ETNPPL: variants seen among roughly 807,000 people sequenced by gnomAD.
The protein encoded by ETNPPL is ethanolamine-phosphate phospho-lyase, also known as alanine--glyoxylate aminotransferase 2-like 1.
Under a neutral mutation model 55.5 loss-of-function variants are expected in ETNPPL, and 30 were observed. The ratio of observed to expected loss-of-function variants is 0.54; its 90% confidence interval spans 0.40 to 0.73. The LOEUF is 0.73. Ranked by LOEUF, ETNPPL falls within the 30% of genes least tolerant of loss-of-function variation. The pLI is 0.00. For synonymous variants in ETNPPL, 202 were observed against 207.2 expected (o/e 0.98, Z 0.21); for missense variants, 528 against 607.9 (o/e 0.87, Z 1.38).
intron 1 of ETNPPL, among the ~76,000 whole-genome samples, chr4:108,761,777 G>T (rs1729518032): frequency 6.6e-6 from 1 of 152,174 alleles, no homozygotes; most frequent in Admixed American, 6.5e-5. Context: ...CCACTTAGCG[G>T]CTGAGAGAGA....
intron 6 of ETNPPL, 125 bp downstream of exon 6, chr4:108,752,770 C>A: frequency 1.5e-6 from 1 of 646,574 alleles, no homozygotes; most frequent in Non-Finnish European, 2.7e-6. Flanking sequence ...CAAGTGAAAA[C>A]GTAACTAGAG....
In ETNPPL at chr4:108,747,138, ATATATATATAATATATATATATATAT is replaced by A. The variant is rs1560649970; in HGVS notation, c.1083-313_1083-288del. On this transcript the variant is annotated intron_variant, in intron 9 of 12. Transcript: ENST00000296486. The stretch of plus-strand genomic sequence containing the variant: ...AAATGTTAACATTATATATATATAT[ATATATATATAATATATATATATATAT>A]TATATATATATATATAATATATATA... 4.6e-4 allele frequency among the ~76,000 whole-genome samples: 13 copies of A among 28,482 alleles called. 2 individuals carry two copies. The highest frequency in any genetic ancestry group is 1.5e-3 in the African/African-American group (8 of 5,376). 18.7% of individuals were successfully genotyped at this position (28,482 alleles called of 152,430 possible).
At chr4:108,747,804 CT>C (rs1728679905) in intron 9 of ETNPPL, 200 bp downstream of exon 9, 2 of 486,820 alleles carry the variant, frequency 4.1e-6, no homozygotes, top group East Asian at 7.7e-5. Flanking sequence ...TCTCGGCTCA[CT>C]GCAACCTCTG....
rs755722551 is a variant in ETNPPL, at chr4:108,749,371, T to C, written c.794A>G (p.Tyr265Cys). The change falls in exon 8 of 13, where the codon TAT becomes TGT. Residue 265 changes from tyrosine to cysteine, a missense_variant. Physicochemically the swap from Tyr to Cys is radical, Grantham distance 194. Transcript: ENST00000296486. Reference protein sequence around the residue: ...VGKHFWSFQMYGEDFVPDIVT... With the variant: ...VGKHFWSFQMCGEDFVPDIVT... ...GATGTCTGGAACAAAGTCTTCACCA[T>C]ACATCTGGAAGCTCCAGAAATGTTT... 42 of 1,614,082 alleles carry C rather than the reference T, an allele frequency of 2.6e-5. No homozygotes were observed. Among genetic ancestry groups the C allele is most frequent in the Non-Finnish European group, 3.6e-5 (42 of 1,179,960 alleles).
intron 6 of ETNPPL, among the ~76,000 whole-genome samples, chr4:108,752,190 A>C (rs1015685128): frequency 4.6e-5 from 7 of 151,528 alleles, no homozygotes; most frequent in African/African-American, 1.7e-4. Flanking sequence ...TAATTATAAA[A>C]AGAAAAGGCC....
At position 108,762,773 on chromosome 4, in the gene ETNPPL, TTCTC is replaced by T. The variant is rs749957235; in HGVS notation, c.56+66_56+69del. ...CGCATCGTTTGTTCCCTAGCCGGCT[TTCTC>T]TCTCCACCTTCTGCACTCGTTATTG... is the stretch of plus-strand genomic sequence containing the variant. On this transcript the variant is annotated intron_variant, in intron 1 of 12. Transcript: ENST00000296486. 38 of 1,547,282 alleles carry T rather than the reference TTCTC, an allele frequency of 2.5e-5. No individual in the cohort carries two copies. In the African/African-American group the frequency reaches 5.2e-4, roughly 21 times the overall value.
chr4:108,745,658 C>A (rs955029836), intron 11 of ETNPPL, among the ~76,000 whole-genome samples: 3 of 151,876 alleles, frequency 2.0e-5, no homozygotes, highest in Non-Finnish European at 2.9e-5. Context: ...AGGCTGGACG[C>A]GGTGACTTAC....
intron 6 of ETNPPL, among the ~76,000 whole-genome samples, chr4:108,752,501 G>A (rs1728961185): frequency 1.3e-5 from 2 of 152,176 alleles, no homozygotes; most frequent in African/African-American, 4.8e-5. Flanking sequence ...CAAGAAGGTC[G>A]AAGTTCAAGG....
chr4:108,763,006 C>T lies in ETNPPL; in HGVS notation c.-108G>A, dbSNP rs1161364725. The T allele has an allele frequency of 7.7e-6, 8 of 1,038,528 alleles. No homozygotes were observed. Among genetic ancestry groups the T allele is most frequent in the Non-Finnish European group, 1.2e-5 (8 of 681,116 alleles). The allele number at this position is 1,038,528 out of a possible 1,614,324, so 64.3% of individuals were successfully genotyped here. On this transcript the variant is annotated 5_prime_UTR_variant, in exon 1 of 13. Transcript: ENST00000296486. Reference sequence around the variant, plus strand: ...CCCCGGCCGGCCTTCCTCCCGTTATCCCTCCTGGCGTTCTCTTGCCCGGGG... The same window carrying T: ...CCCCGGCCGGCCTTCCTCCCGTTATTCCTCCTGGCGTTCTCTTGCCCGGGG...
At chr4:108,758,148 C>T (rs982457569) in intron 3 of ETNPPL, among the ~76,000 whole-genome samples, 4 of 151,610 alleles carry the variant, frequency 2.6e-5, no homozygotes, top group South Asian at 2.1e-4. Flanking sequence ...CACACCACCA[C>T]GTGCAGCTAA....
chr4:108,760,483 C>T (rs1294661190), intron 1 of ETNPPL, among the ~76,000 whole-genome samples, 177 bp from the exon 2 acceptor site: 6 of 152,108 alleles, frequency 3.9e-5, no homozygotes, highest in African/African-American at 7.2e-5. Context: ...TTATGTTAAT[C>T]CCCCATTCAT....
rs1728875879 is a variant in ETNPPL, at chr4:108,750,831, A to G, written c.701+105T>C. On this transcript the variant is annotated intron_variant, in intron 7 of 12. Transcript: ENST00000296486. ...GGCAGGCACTCAGGTGTGGCTATTT[A>G]CCAGCTAATCAGGAATTATTTTAAT... 9.4e-5 allele frequency: 80 copies of G among 848,350 alleles called. 2 individuals are homozygous for G. The South Asian group carries it at 9.9e-4, about 11-fold the overall frequency. 52.6% of individuals were successfully genotyped at this position (848,350 alleles called of 1,614,324 possible). A position where few individuals can be genotyped will look rare whatever the true frequency, so the allele number is the denominator to read the frequency against.
intron 6 of ETNPPL, 123 bp downstream of exon 6, chr4:108,752,772 T>C: frequency 1.5e-6 from 1 of 655,510 alleles, no homozygotes; most frequent in South Asian, 2.1e-5. Context: ...AGTGAAAACG[T>C]AACTAGAGAA....
intron 11 of ETNPPL, among the ~76,000 whole-genome samples, chr4:108,745,048 A>G (rs893451382): frequency 3.3e-5 from 5 of 152,164 alleles, no homozygotes; most frequent in Admixed American, 2.6e-4. Context: ...GTAAAAATAT[A>G]ACTAAAGCAA....
At chr4:108,762,720 G>C (rs1301385082) in intron 1 of ETNPPL, 123 bp downstream of exon 1, 2 of 1,233,204 alleles carry the variant, frequency 1.6e-6, no homozygotes, top group African/African-American at 3.0e-5. Context: ...GCGTGCACAG[G>C]CGCGGCGGGC....
At chr4:108,742,645 A>C (rs1267065725) in intron 12 of ETNPPL, 33 bp from the exon 13 acceptor site, 1 of 1,612,712 alleles carries the variant, frequency 6.2e-7, no homozygotes, top group Non-Finnish European at 8.5e-7. Context: ...TCCAGTGGGC[A>C]TCCACCTCTA....
rs1324142673 is a variant in ETNPPL, at chr4:108,750,949, G to T, written c.688C>A (p.Gln230Lys). 1.2e-6 allele frequency: 2 copies of T among 1,612,934 alleles called. No homozygotes were observed. The highest frequency in any genetic ancestry group is 2.7e-5 in the African/African-American group (2 of 74,824). The change falls in exon 7 of 13, where the codon CAG (glutamine) becomes AAG (lysine). Residue 230 changes from glutamine (Q) to lysine (K), a missense_variant. Transcript: ENST00000296486. ...GQIIPPAGYFQKVAEYVHGAG... is the reference protein window; with the variant it reads ...GQIIPPAGYFKKVAEYVHGAG... ...TCAAGTACATACTCTGCCACTTTCTGGAAGTAGCCTGCTGGAGGAATTATT... is the reference window on the plus strand; with the variant it reads ...TCAAGTACATACTCTGCCACTTTCTTGAAGTAGCCTGCTGGAGGAATTATT...
intron 3 of ETNPPL, among the ~76,000 whole-genome samples, chr4:108,758,181 A>G (rs767223596): frequency 4.0e-5 from 6 of 151,632 alleles, no homozygotes; most frequent in Non-Finnish European, 8.8e-5. Context: ...TAGTAGAGAC[A>G]GGGTTTCACC....
At chr4:108,762,479 G>A (rs1182257326) in intron 1 of ETNPPL, 2 of 651,934 alleles carry the variant, frequency 3.1e-6, no homozygotes. Flanking sequence ...CGAGTTGTGT[G>A]GGGGTGGCGG....
Sources: gnomAD v4.1 joint callset for allele counts (sites outside exome capture counted in the v4.1 genomes callset) on GRCh38, gnomAD v4.1.1 for gene constraint, MANE v1.5 for transcripts, NCBI Gene and HGNC (gene_info 2026-07-23, HGNC 2026-07-21) for gene names.